The following AGPS variants were observed in gnomAD, a reference collection of about 807,000 sequenced individuals.
AGPS encodes alkyldihydroxyacetonephosphate synthase, peroxisomal.
Under a neutral mutation model 90.7 loss-of-function variants are expected in AGPS, and 26 were observed. The observed-to-expected ratio is 0.29, with a 90% confidence interval of 0.21 to 0.40. The LOEUF (loss-of-function observed/expected upper bound fraction) is 0.40. Among genes scored for constraint, AGPS ranks in the 10% least tolerant of loss-of-function variants. The pLI is 1.00. For missense variants in AGPS, 540 were observed against 816.1 expected (o/e 0.66, Z 4.12); for synonymous variants, 294 against 285.3 (o/e 1.03, Z -0.31).
rs1024925532 is a variant in AGPS, at chr2:177,542,528, G to T, written c.*4333G>T. On this transcript the variant is annotated 3_prime_UTR_variant, in exon 20 of 20. Transcript: ENST00000264167. ...AAGATTTCTTTTTTGGTTTCCAAAG[G>T]AGATTATTTATTTTTCCACAAGGAA... 1 of 152,068 alleles carries T rather than the reference G, an allele frequency of 6.6e-6. No individual in the cohort carries two copies. Among genetic ancestry groups the T allele is most frequent in the African/African-American group, 2.4e-5 (1 of 41,422 alleles). The allele number at this position is 152,068 out of a possible 1,614,324, so 9.4% of individuals were successfully genotyped here.
chr2:177,520,550 A>C (rs1309077941), intron 17 of AGPS, among the ~76,000 whole-genome samples: 1 of 152,180 alleles, frequency 6.6e-6, no homozygotes, highest in Admixed American at 6.5e-5. Context: ...TACAAAATGT[A>C]GTTTTCACTT....
intron 8 of AGPS, 38 bp from the exon 9 acceptor site, chr2:177,461,855 C>A (rs1311508203): frequency 6.3e-7 from 1 of 1,580,708 alleles, no homozygotes; most frequent in South Asian, 1.1e-5. Flanking sequence ...CGTAATGGGA[C>A]CATTTTCACT....
chr2:177,528,445 C>T (rs1298057228), intron 19 of AGPS, among the ~76,000 whole-genome samples: 1 of 152,226 alleles, frequency 6.6e-6, no homozygotes, highest in Non-Finnish European at 1.5e-5. Flanking sequence ...TGCTATTCCT[C>T]AGACATACTA....
At chr2:177,493,289 A>G (rs1180574209) in intron 12 of AGPS, 90 bp downstream of exon 12, 5 of 1,126,410 alleles carry the variant, frequency 4.4e-6, no homozygotes, top group Non-Finnish European at 6.7e-6. Flanking sequence ...AGAGGTAGAA[A>G]GAACGTCAGT....
Position 177,539,977 on chromosome 2 carries a change from T to C in AGPS, c.*1782T>C, listed in dbSNP as rs147907023. ...AAAATGCATCTGTTCACGAAGGTAA[T>C]TTCTTTAATTGGTGATCAAAATATA... is the stretch of plus-strand genomic sequence containing the variant. On this transcript the variant is annotated 3_prime_UTR_variant, in exon 20 of 20. Coordinates refer to ENST00000264167, the MANE Select transcript of AGPS (RefSeq NM_003659.4). 1.3e-5 allele frequency: 2 copies of C among 148,802 alleles called. No individual in the cohort carries two copies. The highest frequency in any genetic ancestry group is 3.0e-5 in the Non-Finnish European group (2 of 67,154). 9.2% of individuals were successfully genotyped at this position (148,802 alleles called of 1,614,324 possible). A position where few individuals can be genotyped will look rare whatever the true frequency, so the allele number is the denominator to read the frequency against.
intron 2 of AGPS, among the ~76,000 whole-genome samples, chr2:177,433,969 G>A (rs1686315643): frequency 6.6e-6 from 1 of 152,108 alleles, no homozygotes; most frequent in South Asian, 2.1e-4. Flanking sequence ...TTTAAGCCAG[G>A]AAGACTGTAA....
At position 177,465,849 on chromosome 2, in the gene AGPS, G is replaced by T. The variant is rs552026423; in HGVS notation, c.997-2567G>T. Among the ~76,000 whole-genome samples, 8 of 152,310 alleles carry T rather than the reference G, an allele frequency of 5.3e-5. No individual in the cohort carries two copies. In the South Asian group the frequency reaches 1.7e-3, roughly 32 times the overall value. ...CTTCTCTTTCCTCTCTTTCCCTCTC[G>T]TTGCCCTCCATGGGGCAAACAAGGG... On this transcript the variant is annotated intron_variant, in intron 9 of 19. Coordinates refer to ENST00000264167, the MANE Select transcript of AGPS (RefSeq NM_003659.4).
chr2:177,433,658 A>G (rs557120498), intron 2 of AGPS, among the ~76,000 whole-genome samples: 33 of 152,292 alleles, frequency 2.2e-4, no homozygotes, highest in African/African-American at 7.7e-4. Flanking sequence ...ATTCTGTTAT[A>G]TTCCTCTGAA....
chr2:177,419,722 A>G (rs1392149962), intron 1 of AGPS, among the ~76,000 whole-genome samples: 1 of 151,856 alleles, frequency 6.6e-6, no homozygotes, highest in Non-Finnish European at 1.5e-5. Flanking sequence ...ATGTAGGTCA[A>G]GGTAGAGATT....
intron 19 of AGPS, among the ~76,000 whole-genome samples, chr2:177,533,434 AG>A (rs1188444118): frequency 6.6e-6 from 1 of 152,058 alleles, no homozygotes; most frequent in African/African-American, 2.4e-5. Context: ...CCAAGACAAA[AG>A]GGCCAGGGAC....
At chr2:177,515,952 GC>G (rs1422588026) in intron 17 of AGPS, among the ~76,000 whole-genome samples, 1 of 3,376 alleles carries the variant, frequency 3.0e-4, no homozygotes, top group Non-Finnish European at 8.1e-4. Context: ...CTTAGTAGTG[GC>G]TAAGGAGATT....
intron 8 of AGPS, among the ~76,000 whole-genome samples, chr2:177,456,977 A>G (rs894210720): frequency 1.9e-4 from 29 of 152,232 alleles, no homozygotes; most frequent in African/African-American, 7.0e-4. Context: ...AAGAACAGAA[A>G]TCATAACAAA....
chr2:177,420,139 T>C lies in AGPS; in HGVS notation c.261-130T>C, dbSNP rs1685903446. Reference sequence around the variant, plus strand: ...TGGACATTTTAATGTGTGCTAATTTTATTTAACCTTATACAATATTTGTGG... The same window carrying C: ...TGGACATTTTAATGTGTGCTAATTTCATTTAACCTTATACAATATTTGTGG... On this transcript the variant is annotated intron_variant, in intron 1 of 19. Transcript: ENST00000264167. 6.4e-6 allele frequency: 4 copies of C among 624,370 alleles called. No homozygotes were observed. In the Admixed American group the frequency reaches 1.1e-4, roughly 17 times the overall value. The allele number at this position is 624,370 out of a possible 1,614,324, so 38.7% of individuals were successfully genotyped here. A position where few individuals can be genotyped will look rare whatever the true frequency, so the allele number is the denominator to read the frequency against.
At chr2:177,406,231 C>T (rs1449186080) in intron 1 of AGPS, among the ~76,000 whole-genome samples, 1 of 152,198 alleles carries the variant, frequency 6.6e-6, no homozygotes, top group Admixed American at 6.5e-5. Context: ...TGTTTCCCGC[C>T]TTTAAATGAT....
At position 177,422,503 on chromosome 2, in the gene AGPS, G is replaced by A. The variant is rs367921151; in HGVS notation, c.350+2145G>A. ...CTAAGTCAGAGTCCAGTGGGGGAGA[G>A]GGAGAATAAGGGTTCATCTGACTGG... On this transcript the variant is annotated intron_variant, in intron 2 of 19. Coordinates refer to ENST00000264167, the MANE Select transcript of AGPS (RefSeq NM_003659.4). Among the ~76,000 whole-genome samples the A allele has an allele frequency of 5.9e-5, 9 of 152,234 alleles. No individual in the cohort carries two copies. In the East Asian group the frequency reaches 1.5e-3, roughly 26 times the overall value.
intron 9 of AGPS, among the ~76,000 whole-genome samples, chr2:177,462,790 G>A (rs1387913648): frequency 1.3e-5 from 2 of 152,206 alleles, no homozygotes; most frequent in African/African-American, 4.8e-5. Context: ...GTGAGAGGAT[G>A]TGCATAGGTT....
Position 177,434,949 on chromosome 2 carries a change from T to C in AGPS, c.441+532T>C, listed in dbSNP as rs530492247. ...GTGATTGAGGATTTTAGTTTGTTCATGTAGTTTCACTTTTCTGAAAGTGGG... is the reference window on the plus strand; with the variant it reads ...GTGATTGAGGATTTTAGTTTGTTCACGTAGTTTCACTTTTCTGAAAGTGGG... On this transcript the variant is annotated intron_variant, in intron 3 of 19. Coordinates refer to ENST00000264167, the MANE Select transcript of AGPS (RefSeq NM_003659.4). Among the ~76,000 whole-genome samples the C allele has an allele frequency of 9.4e-5, 14 of 148,228 alleles. No homozygotes were observed. The South Asian group carries it at 2.5e-3, about 27-fold the overall frequency.
At chr2:177,405,500 T>C (rs1350436317) in intron 1 of AGPS, among the ~76,000 whole-genome samples, 2 of 152,346 alleles carry the variant, frequency 1.3e-5, no homozygotes, top group East Asian at 3.9e-4. Context: ...TTCCTGCTGC[T>C]TAAAAGCATG....
At chr2:177,487,414 C>T (rs910433891) in intron 11 of AGPS, among the ~76,000 whole-genome samples, 5 of 152,156 alleles carry the variant, frequency 3.3e-5, no homozygotes, top group South Asian at 2.1e-4. Context: ...GGTAATTTTT[C>T]CTTCCTTCTA....
Sources: gnomAD v4.1 joint callset for allele counts (sites outside exome capture counted in the v4.1 genomes callset) on GRCh38, gnomAD v4.1.1 for gene constraint, MANE v1.5 for transcripts, NCBI Gene and HGNC (gene_info 2026-07-23, HGNC 2026-07-21) for gene names.